The following VRK3 variants were observed in gnomAD, a reference collection of about 807,000 sequenced individuals.
The protein encoded by VRK3 is serine/threonine-protein kinase VRK3.
Under a neutral mutation model 60.4 loss-of-function variants are expected in VRK3, and 50 were observed. That is an observed-to-expected ratio of 0.83 (90% CI 0.66 to 1.05). VRK3 has a LOEUF of 1.05. VRK3 is among the 50% of genes least tolerant of loss of function. The pLI is 0.00. For missense variants in VRK3, 549 were observed against 585.3 expected (o/e 0.94, Z 0.64); for synonymous variants, 246 against 227.8 (o/e 1.08, Z -0.72).
At chr19:49,981,940 A>AG (rs2076430115) in intron 12 of VRK3, 2 of 690,964 alleles carry the variant, frequency 2.9e-6, no homozygotes, top group Non-Finnish European at 4.6e-6. Flanking sequence ...TGTGCCTGAG[A>AG]GGGGGTCACT....
intron 12 of VRK3, chr19:49,981,658 T>G: frequency 1.0e-6 from 1 of 973,418 alleles, no homozygotes; most frequent in Non-Finnish European, 1.2e-6. Context: ...TAATCTGTGA[T>G]CCTTAAGACG....
At chr19:50,001,961 C>T (rs1205725445) in intron 5 of VRK3, among the ~76,000 whole-genome samples, 4 of 152,116 alleles carry the variant, frequency 2.6e-5, no homozygotes, top group African/African-American at 9.7e-5. Context: ...GCTCAGTGAA[C>T]CCACTCAGCC....
chr19:49,985,021 CT>C (rs2076488205), intron 12 of VRK3, among the ~76,000 whole-genome samples: 2 of 152,214 alleles, frequency 1.3e-5, no homozygotes, highest in Admixed American at 1.3e-4. Flanking sequence ...CCCTACTGCC[CT>C]CAGTCTCCTG....
At position 49,987,949 on chromosome 19, in the gene VRK3, G is replaced by A. The variant is rs190553220; in HGVS notation, c.1217+423C>T. The A allele has an allele frequency of 1.1e-3, 168 of 156,578 alleles. 2 individuals carry two copies. The East Asian group carries it at 0.022, about 20-fold the overall frequency. 9.7% of individuals were successfully genotyped at this position (156,578 alleles called of 1,614,324 possible). On this transcript the variant is annotated intron_variant, in intron 12 of 14. Transcript: ENST00000316763. ...GATCTCCTGACCTCGTGATCCGCCC[G>A]CCTCTGCCTCCCAAAGTGCTGGGAT... is the stretch of plus-strand genomic sequence containing the variant.
intron 3 of VRK3, 85 bp from the exon 4 acceptor site, chr19:50,009,470 T>C: frequency 4.6e-6 from 7 of 1,511,718 alleles, no homozygotes; most frequent in African/African-American, 1.4e-5. Flanking sequence ...GAGGTTATAC[T>C]CAGCTATGCT....
chr19:49,977,257 G>T (rs770155202), intron 14 of VRK3, among the ~76,000 whole-genome samples: 14 of 152,142 alleles, frequency 9.2e-5, no homozygotes, highest in Non-Finnish European at 2.1e-4. Flanking sequence ...AAGGGAGCTC[G>T]GCCTCGGGCC....
chr19:50,014,160 G>A (rs141991709), intron 3 of VRK3, among the ~76,000 whole-genome samples: 22 of 152,212 alleles, frequency 1.4e-4, no homozygotes, highest in African/African-American at 5.3e-4. Flanking sequence ...CCAACTACTC[G>A]GGAGACTGAG....
intron 3 of VRK3, 117 bp downstream of exon 3, chr19:50,015,907 C>A (rs1410733630): frequency 7.0e-7 from 1 of 1,423,684 alleles, no homozygotes; most frequent in Non-Finnish European, 9.7e-7. Flanking sequence ...GAGGCCTGGG[C>A]TTCTCCAGTG....
chr19:50,012,501 C>T (rs1327515748), intron 3 of VRK3, among the ~76,000 whole-genome samples: 3 of 152,206 alleles, frequency 2.0e-5, no homozygotes, highest in Admixed American at 6.5e-5. Flanking sequence ...TACAGCACCT[C>T]AGCACATGGC....
chr19:49,986,450 G>C (rs2076517181), intron 12 of VRK3: 1 of 153,178 alleles, frequency 6.5e-6, no homozygotes, highest in Non-Finnish European at 1.5e-5. Flanking sequence ...AAGCTGAAGA[G>C]AGCCAGAGAC....
intron 13 of VRK3, among the ~76,000 whole-genome samples, chr19:49,979,446 G>T (rs2076387386): frequency 6.6e-6 from 1 of 152,216 alleles, no homozygotes; most frequent in Non-Finnish European, 1.5e-5. Flanking sequence ...GCAGGCACCA[G>T]TAGAAGGGCA....
chr19:49,979,569 C>T (rs1041108258), intron 13 of VRK3, among the ~76,000 whole-genome samples: 3 of 152,200 alleles, frequency 2.0e-5, no homozygotes, highest in African/African-American at 7.2e-5. Context: ...TCCCAGCTAG[C>T]AATGCAGTCT....
At chr19:49,993,041 A>G (rs1313005822) in intron 9 of VRK3, 89 bp from the exon 10 acceptor site, 4 of 1,242,844 alleles carry the variant, frequency 3.2e-6, no homozygotes, top group Non-Finnish European at 4.6e-6. Context: ...CCCCACTATT[A>G]AGGCCTGGGG....
intron 4 of VRK3, among the ~76,000 whole-genome samples, chr19:50,008,045 C>T (rs1052405475): frequency 1.3e-5 from 2 of 152,126 alleles, no homozygotes; most frequent in African/African-American, 4.8e-5. Flanking sequence ...GTTTGGTGGG[C>T]AAGTCTGCTC....
intron 10 of VRK3, among the ~76,000 whole-genome samples, chr19:49,992,583 CTTGTT>C (rs1457645587): frequency 3.9e-5 from 6 of 152,264 alleles, no homozygotes; most frequent in African/African-American, 7.2e-5. Context: ...AAAATAGTAT[CTTGTT>C]TTAAGTTACA....
At chr19:50,010,801 T>C (rs1475979021) in intron 3 of VRK3, among the ~76,000 whole-genome samples, 1 of 152,170 alleles carries the variant, frequency 6.6e-6, no homozygotes, top group African/African-American at 2.4e-5. Context: ...TAAACCCAGC[T>C]ACTTGAGAAG....
At chr19:50,012,939 G>A (rs1017295317) in intron 3 of VRK3, among the ~76,000 whole-genome samples, 25 of 151,866 alleles carry the variant, frequency 1.6e-4, no homozygotes, top group Non-Finnish European at 3.2e-4. Context: ...AGGCCGAGGC[G>A]GGTGGATCAT....
Position 50,007,573 on chromosome 19 carries a change from A to C in VRK3, c.543T>G (p.Tyr181Ter), listed in dbSNP as rs774496797. 3 of 1,614,184 alleles carry C rather than the reference A, an allele frequency of 1.9e-6. No individual in the cohort carries two copies. Among genetic ancestry groups the C allele is most frequent in the Non-Finnish European group, 1.7e-6 (2 of 1,180,040 alleles). Residue 181 changes from tyrosine (Y) to a stop codon, truncating the protein, a stop_gained, in exon 5 of 15, where the codon TAT becomes TAG. Transcript: ENST00000316763. LOFTEE classifies it high-confidence loss of function. ...CCGCCCATGGACAGAGTGTACCTTC[A>C]TAGAGAATGCCCTGGTTGTCCCTGG... ...FQTRDNQGILYEAAPTSTLTC... is the reference protein window; with the variant it reads ...FQTRDNQGIL
intron 12 of VRK3, among the ~76,000 whole-genome samples, chr19:49,982,803 A>C (rs56793526): frequency 0.052 from 7,960 of 152,212 alleles, 678 homozygotes; most frequent in African/African-American, 0.18. Flanking sequence ...TGCACGTGCA[A>C]CCGTTTGTTC....
Sources: allele counts gnomAD v4.1 joint callset (sites outside exome capture counted in the v4.1 genomes callset), GRCh38; gene constraint gnomAD v4.1.1; transcripts MANE v1.5; gene names NCBI Gene and HGNC (gene_info 2026-07-23, HGNC 2026-07-21).